The following MMAB variants were observed in gnomAD, a reference collection of about 807,000 sequenced individuals.
The protein encoded by MMAB is corrinoid adenosyltransferase MMAB.
MMAB carries 17 observed loss-of-function variants against 30.6 expected under a neutral mutation model. The ratio of observed to expected loss-of-function variants is 0.56; its 90% CI spans 0.38 to 0.83. The LOEUF (loss-of-function observed/expected upper bound fraction) is 0.83. Ranked by LOEUF, MMAB falls within the 40% of genes least tolerant of loss-of-function variation. MMAB has a pLI of 0.00. For synonymous variants in MMAB, 134 were observed against 138.6 expected, an observed-to-expected ratio of 0.97 and a Z score of 0.23; for missense variants, 311 against 331.6, an observed-to-expected ratio of 0.94 and a Z score of 0.48.
Position 109,555,393 on chromosome 12 carries a change from C to T in MMAB, c.*1635G>A, listed in dbSNP as rs1429699642. The T allele has an allele frequency of 2.4e-6, 1 of 417,380 alleles. No homozygotes were observed. The highest frequency in any genetic ancestry group is 7.1e-5 in the East Asian group (1 of 14,082). The allele number at this position is 417,380 out of a possible 1,614,324, so 25.9% of individuals were successfully genotyped here. ...TGCCTCGTAGGTTCAAGTGATTCTC[C>T]TGCCTCAGCCTCCTGAATAGCTGGG... On this transcript the variant is annotated 3_prime_UTR_variant, in exon 9 of 9. Coordinates refer to ENST00000545712, the MANE Select transcript of MMAB (RefSeq NM_052845.4).
Position 109,573,392 on chromosome 12 carries a change from G to A in MMAB, c.89C>T (p.Pro30Leu), listed in dbSNP as rs1397594349. 9 of 1,612,332 alleles carry A rather than the reference G, an allele frequency of 5.6e-6. No homozygotes were observed. Among genetic ancestry groups the A allele is most frequent in the Non-Finnish European group, 7.6e-6 (9 of 1,179,754 alleles). ...GCFGAARLLYPRFQSRGPQGV... is the reference protein window; with the variant it reads ...GCFGAARLLYLRFQSRGPQGV... ...CTGAGGGCCGCGGCTCTGGAAACGG[G>A]GATACAGGAGCCTGGCGGCGCCGAA... The change falls in exon 1 of 9, where the codon CCC becomes CTC. Residue 30 changes from proline (P) to leucine (L), a missense_variant. Transcript: ENST00000545712.
rs199971687 is a variant in MMAB, at chr12:109,565,177, C to T, written c.291-1G>A. The stretch of plus-strand genomic sequence containing the variant: ...TTCTGTGACTAATTCCAGAGCAAAC[C>T]TATGAAGAAAAAGGAAAAAGAATTT... On this transcript the variant is annotated splice_acceptor_variant, in intron 3 of 8. Coordinates refer to ENST00000545712, the MANE Select transcript of MMAB (RefSeq NM_052845.4). LOFTEE classifies it high-confidence loss of function. 7.8e-5 allele frequency: 126 copies of T among 1,613,444 alleles called. No homozygotes were observed. Among genetic ancestry groups the T allele is most frequent in the Non-Finnish European group, 9.7e-5 (115 of 1,179,628 alleles).
rs1320665223 is a variant in MMAB at position 109,554,251 on chromosome 12, G to A, written c.*2777C>T. The A allele has an allele frequency of 2.2e-6, 1 of 453,912 alleles. No individual in the cohort carries two copies. The highest frequency in any genetic ancestry group is 2.0e-5 in the African/African-American group (1 of 49,968). 28.1% of individuals were successfully genotyped at this position (453,912 alleles called of 1,614,324 possible). On this transcript the variant is annotated 3_prime_UTR_variant, in exon 9 of 9. Coordinates refer to ENST00000545712, the MANE Select transcript of MMAB (RefSeq NM_052845.4). ...TGAGATAATGTCTGTGGAACACTTG[G>A]CTCAGGGCACTGCACATAGCAAGCC...
Position 109,561,704 on chromosome 12 carries a change from G to T in MMAB, c.421+76C>A. 1 of 1,427,688 alleles carries T rather than the reference G, an allele frequency of 7.0e-7. No individual in the cohort carries two copies. Among genetic ancestry groups the T allele is most frequent in the Non-Finnish European group, 9.7e-7 (1 of 1,034,264 alleles). 88.4% of individuals were successfully genotyped at this position (1,427,688 alleles called of 1,614,324 possible). A position where few individuals can be genotyped will look rare whatever the true frequency, so the allele number is the denominator to read the frequency against. ...CCACCCGTGGGTCCCTGGGGGCCTG[G>T]GATCCCAGATGGTGACCCTAGGAGA... is the stretch of plus-strand genomic sequence containing the variant. On this transcript the variant is annotated intron_variant, in intron 5 of 8. Coordinates refer to ENST00000545712, the MANE Select transcript of MMAB (RefSeq NM_052845.4). The surrounding 1 kb of genome is among the most constrained non-coding windows in gnomAD (Gnocchi z 5.3).
In MMAB at chr12:109,554,417, G is replaced by A. The variant is rs938870708; in HGVS notation, c.*2611C>T. On this transcript the variant is annotated 3_prime_UTR_variant, in exon 9 of 9. Transcript: ENST00000545712. Reference sequence around the variant, plus strand: ...TGGAGGCGGAGGAGGCATTTTCATGGGTGCAAAATGTAAGGAAGTGCCCAC... The same window carrying A: ...TGGAGGCGGAGGAGGCATTTTCATGAGTGCAAAATGTAAGGAAGTGCCCAC... 8.8e-6 allele frequency: 4 copies of A among 453,896 alleles called. No individual in the cohort carries two copies. The highest frequency in any genetic ancestry group is 8.0e-5 in the African/African-American group (4 of 49,958). 28.1% of individuals were successfully genotyped at this position (453,896 alleles called of 1,614,324 possible). A position where few individuals can be genotyped will look rare whatever the true frequency, so the allele number is the denominator to read the frequency against.
intron 7 of MMAB, 36 bp downstream of exon 7, chr12:109,560,978 CCCCCTCCCCCTTGTTCCTCTCCCTCT>C: frequency 1.7e-6 from 1 of 579,586 alleles, no homozygotes; most frequent in Non-Finnish European, 3.2e-6. Flanking sequence ...CCTCTCCCTC[CCCCCTCCCCCTTGTTCCTCTCCCTCT>C]CCCTTGGGCC....
At position 109,553,839 on chromosome 12, in the gene MMAB, G is replaced by GC. The variant is rs2136187687; in HGVS notation, c.*3188dup. 2.2e-6 allele frequency: 1 copy of GC among 453,788 alleles called. No homozygotes were observed. The highest frequency in any genetic ancestry group is 6.9e-5 in the East Asian group (1 of 14,392). 28.1% of individuals were successfully genotyped at this position (453,788 alleles called of 1,614,324 possible). On this transcript the variant is annotated 3_prime_UTR_variant, in exon 9 of 9. Transcript: ENST00000545712. The stretch of plus-strand genomic sequence containing the variant: ...ACAGGGCGATCATAAAACTGAATGG[G>GC]CTGTCGGAAGGTGTCGAGGCAGCAG...
chr12:109,553,809 C>T lies in MMAB; in HGVS notation c.*3219G>A, dbSNP rs545995881. 4 of 452,268 alleles carry T rather than the reference C, an allele frequency of 8.8e-6. No individual in the cohort carries two copies. In the East Asian group the frequency reaches 2.8e-4, roughly 31 times the overall value. 28.0% of individuals were successfully genotyped at this position (452,268 alleles called of 1,614,324 possible). A position where few individuals can be genotyped will look rare whatever the true frequency, so the allele number is the denominator to read the frequency against. ...ATTCTTAAAGGTTCAGTAGTGATCA[C>T]TGGGACAGGGCGATCATAAAACTGA... On this transcript the variant is annotated 3_prime_UTR_variant, in exon 9 of 9. Coordinates refer to ENST00000545712, the MANE Select transcript of MMAB (RefSeq NM_052845.4).
At position 109,554,946 on chromosome 12, in the gene MMAB, G is replaced by C. The variant is rs749753287; in HGVS notation, c.*2082C>G. On this transcript the variant is annotated 3_prime_UTR_variant, in exon 9 of 9. Transcript: ENST00000545712. The stretch of plus-strand genomic sequence containing the variant: ...AGAAGTGTTTGCTGGTGAACCGGGA[G>C]ACAGATACAGAGGCGGGGGTCTGAG... 4 of 454,010 alleles carry C rather than the reference G, an allele frequency of 8.8e-6. No individual in the cohort carries two copies. Among genetic ancestry groups the C allele is most frequent in the Middle Eastern group, 6.8e-4 (1 of 1,466 alleles). 28.1% of individuals were successfully genotyped at this position (454,010 alleles called of 1,614,324 possible). A position where few individuals can be genotyped will look rare whatever the true frequency, so the allele number is the denominator to read the frequency against.
At position 109,561,927 on chromosome 12, in the gene MMAB, C is replaced by G; in HGVS notation, c.349-75G>C. On this transcript the variant is annotated intron_variant, in intron 4 of 8. Coordinates refer to ENST00000545712, the MANE Select transcript of MMAB (RefSeq NM_052845.4). This position sits in a 1 kb window ranked among gnomAD's most constrained non-coding sequence, Gnocchi z 5.3. ...ACAGAGACAATGTGCAGAGGCGCCA[C>G]CTAATACGCCGGCAAAGCCTGTGCC... 7.4e-7 allele frequency: 1 copy of G among 1,342,482 alleles called. No homozygotes were observed. The highest frequency in any genetic ancestry group is 1.2e-5 in the South Asian group (1 of 80,292). 83.2% of individuals were successfully genotyped at this position (1,342,482 alleles called of 1,614,324 possible).
rs1555273691 is a variant in MMAB at position 109,555,284 on chromosome 12, T to TTTTTG, written c.*1743_*1744insCAAAA. ...TGATTGCGTTTTCAGGGTTTTTTTT[T>TTTTTG]TTTTTTTTTTTTTTTTGTGACGGAG... On this transcript the variant is annotated 3_prime_UTR_variant, in exon 9 of 9. Transcript: ENST00000545712. The TTTTTG allele has an allele frequency of 6.1e-6, 2 of 327,864 alleles. No homozygotes were observed. The highest frequency in any genetic ancestry group is 4.0e-5 in the South Asian group (2 of 50,436). 20.3% of individuals were successfully genotyped at this position (327,864 alleles called of 1,614,324 possible). A position where few individuals can be genotyped will look rare whatever the true frequency, so the allele number is the denominator to read the frequency against.
In MMAB at chr12:109,558,474, C is replaced by T. The variant is rs1423062884; in HGVS notation, c.644+622G>A. Among the ~76,000 whole-genome samples, 3 of 152,174 alleles carry T rather than the reference C, an allele frequency of 2.0e-5. No individual in the cohort carries two copies. Among genetic ancestry groups the T allele is most frequent in the Admixed American group, 6.5e-5 (1 of 15,278 alleles). ...GCAGACCTGCTCCCCCAGCTCTCTA[C>T]CTGCCCCCAGGCTCTGGCCTTGCCC... On this transcript the variant is annotated intron_variant, in intron 8 of 8. Coordinates refer to ENST00000545712, the MANE Select transcript of MMAB (RefSeq NM_052845.4). This position sits in a 1 kb window ranked among gnomAD's most constrained non-coding sequence, Gnocchi z 4.3.
rs1380265925 is a variant in MMAB, at chr12:109,561,313, G to A, written c.519+107C>T. ...GGACCTGGAGGGACTTGGGGAACTG[G>A]AGGACAGCGTCTGTCACTGTGAAAA... On this transcript the variant is annotated intron_variant, in intron 6 of 8. Transcript: ENST00000545712. This position sits in a 1 kb window ranked among gnomAD's most constrained non-coding sequence, Gnocchi z 5.3. 3 of 1,551,006 alleles carry A rather than the reference G, an allele frequency of 1.9e-6. No individual in the cohort carries two copies. The highest frequency in any genetic ancestry group is 2.4e-5 in the East Asian group (1 of 41,668).
chr12:109,554,464 T>G lies in MMAB; in HGVS notation c.*2564A>C, dbSNP rs1222551904. 1.3e-5 allele frequency: 6 copies of G among 453,938 alleles called. No homozygotes were observed. Among genetic ancestry groups the G allele is most frequent in the Non-Finnish European group, 1.8e-5 (4 of 226,784 alleles). The allele number at this position is 453,938 out of a possible 1,614,324, so 28.1% of individuals were successfully genotyped here. On this transcript the variant is annotated 3_prime_UTR_variant, in exon 9 of 9. Coordinates refer to ENST00000545712, the MANE Select transcript of MMAB (RefSeq NM_052845.4). The stretch of plus-strand genomic sequence containing the variant: ...CCACAAACTCAGGGATCGAGTAGTA[T>G]TTGTGTGCAATATTTTCCAAAATCA...
intron 3 of MMAB, 35 bp from the exon 4 acceptor site, chr12:109,565,211 T>G: frequency 6.5e-7 from 1 of 1,539,932 alleles, no homozygotes; most frequent in Non-Finnish European, 9.0e-7. Flanking sequence ...TTGCCTGTAA[T>G]GTAATGTCCC....
chr12:109,565,051 G>A (rs1229792782), intron 4 of MMAB, 68 bp downstream of exon 4: 10 of 1,172,468 alleles, frequency 8.5e-6, no homozygotes, highest in Non-Finnish European at 1.3e-5. Context: ...ACTGGTGGCT[G>A]GATGCTGAGT....
rs1432285649 is a variant in MMAB at position 109,561,958 on chromosome 12, G to C, written c.349-106C>G. On this transcript the variant is annotated intron_variant, in intron 4 of 8. Coordinates refer to ENST00000545712, the MANE Select transcript of MMAB (RefSeq NM_052845.4). The surrounding 1 kb of genome is among the most constrained non-coding windows in gnomAD (Gnocchi z 5.3). ...ACGCCGGCAAAGCCTGTGCCAGCTA[G>C]CTCATGAAGGGCTGTGATATGGTTT... 3.2e-6 allele frequency: 3 copies of C among 924,190 alleles called. No homozygotes were observed. The highest frequency in any genetic ancestry group is 5.1e-6 in the Non-Finnish European group (3 of 584,878). The allele number at this position is 924,190 out of a possible 1,614,324, so 57.2% of individuals were successfully genotyped here.
chr12:109,572,808 G>A (rs1325626643), intron 1 of MMAB, among the ~76,000 whole-genome samples: 1 of 152,198 alleles, frequency 6.6e-6, no homozygotes, highest in Non-Finnish European at 1.5e-5. Context: ...ACTCAGAGAT[G>A]AAGAATTGCC....
rs190530356 is a variant in MMAB at position 109,555,249 on chromosome 12, C to T, written c.*1779G>A. The T allele has an allele frequency of 1.1e-5, 5 of 445,514 alleles. 1 individual carries two copies. Among genetic ancestry groups the T allele is most frequent in the Admixed American group, 4.8e-5 (2 of 41,712 alleles). 27.6% of individuals were successfully genotyped at this position (445,514 alleles called of 1,614,324 possible). A position where few individuals can be genotyped will look rare whatever the true frequency, so the allele number is the denominator to read the frequency against. On this transcript the variant is annotated 3_prime_UTR_variant, in exon 9 of 9. Transcript: ENST00000545712. ...AAGCTCTTTGAACATACTCCCTGAC[C>T]GAGCCTTAGTGATTGCGTTTTCAGG...
Sources: allele counts gnomAD v4.1 joint callset (sites outside exome capture counted in the v4.1 genomes callset), GRCh38; gene constraint gnomAD v4.1.1; non-coding constraint Gnocchi (gnomAD v3.1); transcripts MANE v1.5; gene names NCBI Gene and HGNC (gene_info 2026-07-23, HGNC 2026-07-21).